PTPRD: variants seen among roughly 807,000 people sequenced by gnomAD.
PTPRD encodes receptor-type tyrosine-protein phosphatase delta.
A neutral mutation model predicts 214.5 loss-of-function variants in PTPRD; 34 were observed. That is an observed-to-expected ratio of 0.16 (90% CI 0.12 to 0.21). PTPRD has a LOEUF of 0.21. PTPRD is among the 10% of genes least tolerant of loss of function. PTPRD has a pLI of 1.00. For synonymous variants in PTPRD, 1,128 were observed against 845.7 expected (o/e 1.33, Z -5.79); for missense variants, 2,545 against 2,398.7 (o/e 1.06, Z -1.27).
intron 2 of PTPRD, among the ~76,000 whole-genome samples, chr9:10,554,652 T>C (rs2062063568): frequency 8.0e-6 from 1 of 124,910 alleles, no homozygotes; most frequent in South Asian, 2.5e-4. Context: ...ATTTCTTTTT[T>C]TAATTTTTTT....
chr9:8,331,315 C>T (rs1422403011), intron 44 of PTPRD, among the ~76,000 whole-genome samples: 7 of 152,030 alleles, frequency 4.6e-5, no homozygotes, highest in Admixed American at 3.9e-4. Context: ...CAACAATTCC[C>T]ATTAAGGTAA....
chr9:9,217,969 G>A (rs1403926717), intron 9 of PTPRD, among the ~76,000 whole-genome samples: 6 of 152,072 alleles, frequency 3.9e-5, no homozygotes, highest in Admixed American at 2.6e-4. Context: ...AACAAAGCAT[G>A]TTTTCCATTG....
chr9:9,070,267 G>A (rs2099741865), intron 10 of PTPRD, among the ~76,000 whole-genome samples: 1 of 152,144 alleles, frequency 6.6e-6, no homozygotes, highest in East Asian at 1.9e-4. Context: ...GTAAATCAAT[G>A]TGATTTTCAC....
chr9:9,082,049 C>G (rs2099759979), intron 10 of PTPRD, among the ~76,000 whole-genome samples: 1 of 151,956 alleles, frequency 6.6e-6, no homozygotes, highest in Non-Finnish European at 1.5e-5. Flanking sequence ...GGAGCTGGTA[C>G]CAATCCTTCT....
chr9:9,471,907 T>C (rs1289564520), intron 8 of PTPRD, among the ~76,000 whole-genome samples: 1 of 152,164 alleles, frequency 6.6e-6, no homozygotes, highest in African/African-American at 2.4e-5. Flanking sequence ...AGGATTACAT[T>C]TTAATGATTT....
chr9:10,077,733 T>C (rs778506721), intron 3 of PTPRD, among the ~76,000 whole-genome samples: 1 of 152,166 alleles, frequency 6.6e-6, no homozygotes, highest in Non-Finnish European at 1.5e-5. Flanking sequence ...ACTTAATAAG[T>C]AAGAACCTTT....
intron 4 of PTPRD, among the ~76,000 whole-genome samples, chr9:10,029,812 T>C (rs966169041): frequency 5.9e-5 from 9 of 152,092 alleles, no homozygotes; most frequent in Non-Finnish European, 1.3e-4. Flanking sequence ...AAGACATGAT[T>C]GGTTTTGAAA....
chr9:8,860,035 T>C (rs1310048248), intron 11 of PTPRD: 2 of 152,174 alleles, frequency 1.3e-5, no homozygotes, highest in Non-Finnish European at 2.9e-5. Flanking sequence ...AGCCTCCCCA[T>C]AGGTGATTCC....
rs568202738 is a variant in PTPRD at position 10,027,208 on chromosome 9, A to G, written c.-472+6510T>C. On this transcript the variant is annotated intron_variant, in intron 4 of 45. Transcript: ENST00000381196. ...AATGTGAATGAATATATTATATCAT[A>G]TATCTGTAGGTAACCAAAATTTCTT... Among the ~76,000 whole-genome samples, 5 of 152,346 alleles carry G rather than the reference A, an allele frequency of 3.3e-5. No homozygotes were observed. The South Asian group carries it at 1.0e-3, about 32-fold the overall frequency.
intron 3 of PTPRD, among the ~76,000 whole-genome samples, chr9:10,095,683 C>T (rs389221): frequency 0.37 from 56,654 of 151,274 alleles, 11,403 homozygotes; most frequent in East Asian, 0.53. Flanking sequence ...AGTTAAACTT[C>T]AAAGTCATTA....
chr9:8,321,148 T>C (rs1826974939), intron 44 of PTPRD, among the ~76,000 whole-genome samples: 1 of 152,076 alleles, frequency 6.6e-6, no homozygotes, highest in Admixed American at 6.6e-5. Context: ...GCAGATGACC[T>C]TGAAGGTCCC....
intron 2 of PTPRD, among the ~76,000 whole-genome samples, chr9:10,503,082 C>G (rs185398034): frequency 4.6e-5 from 7 of 150,680 alleles, no homozygotes; most frequent in Admixed American, 3.3e-4. Flanking sequence ...TACCACAACT[C>G]GGTCCAATAC....
chr9:9,430,359 C>T (rs1347827590), intron 8 of PTPRD, among the ~76,000 whole-genome samples: 2 of 151,264 alleles, frequency 1.3e-5, no homozygotes, highest in Admixed American at 6.6e-5. Flanking sequence ...TGTGAAGGAC[C>T]TCTTCAAGGA....
At position 9,926,239 on chromosome 9, in the gene PTPRD, A is replaced by G. The variant is rs181035050; in HGVS notation, c.-368+12268T>C. ...AAAACTCAGTATGAGCAAAAGAAAC[A>G]TTAATATTTTTTGAGAATAACTGTA... is the stretch of plus-strand genomic sequence containing the variant. On this transcript the variant is annotated intron_variant, in intron 5 of 45. Coordinates refer to ENST00000381196, the MANE Select transcript of PTPRD (RefSeq NM_002839.4). Among the ~76,000 whole-genome samples, 519 of 152,268 alleles carry G rather than the reference A, an allele frequency of 3.4e-3. 6 individuals are homozygous for G. The highest frequency in any genetic ancestry group is 0.012 in the African/African-American group (490 of 41,556).
intron 4 of PTPRD, among the ~76,000 whole-genome samples, chr9:10,027,209 T>C (rs905954902): frequency 2.0e-5 from 3 of 152,206 alleles, no homozygotes; most frequent in Non-Finnish European, 4.4e-5. Flanking sequence ...TTATATCATA[T>C]ATCTGTAGGT....
At chr9:9,392,625 C>T (rs2066268170) in intron 9 of PTPRD, among the ~76,000 whole-genome samples, 1 of 152,036 alleles carries the variant, frequency 6.6e-6, no homozygotes, top group Non-Finnish European at 1.5e-5. Flanking sequence ...GATAATCAGG[C>T]TATAAAGAGA....
chr9:8,630,405 C>A (rs1194096302), intron 14 of PTPRD, among the ~76,000 whole-genome samples: 1 of 151,814 alleles, frequency 6.6e-6, no homozygotes, highest in Non-Finnish European at 1.5e-5. Flanking sequence ...TTATTAAACA[C>A]TACTATTAAT....
intron 5 of PTPRD, among the ~76,000 whole-genome samples, chr9:9,856,255 G>T (rs950578243): frequency 6.6e-6 from 1 of 152,130 alleles, no homozygotes; most frequent in Non-Finnish European, 1.5e-5. Flanking sequence ...GATGAGCTTA[G>T]GGTCTTTATA....
intron 12 of PTPRD, among the ~76,000 whole-genome samples, chr9:8,670,939 G>T (rs1409834743): frequency 6.6e-6 from 1 of 152,130 alleles, no homozygotes; most frequent in African/African-American, 2.4e-5. Flanking sequence ...GGAAGTAGGT[G>T]GTGAAGAATT....
Sources: allele counts gnomAD v4.1 joint callset (sites outside exome capture counted in the v4.1 genomes callset), GRCh38; gene constraint gnomAD v4.1.1; transcripts MANE v1.5; gene names NCBI Gene and HGNC (gene_info 2026-07-23, HGNC 2026-07-21).